The following PEDS1 variants were observed in gnomAD, a reference collection of about 807,000 sequenced individuals.
PEDS1 encodes CarF homolog.
PEDS1 carries 14 observed loss-of-function variants against 35.2 expected under a neutral mutation model. The observed-to-expected ratio is 0.40, with a 90% CI of 0.26 to 0.62. The LOEUF is 0.62. Ranked by LOEUF, PEDS1 falls within the 20% of genes least tolerant of loss-of-function variation. The pLI is 0.44. For missense variants in PEDS1, 260 were observed against 367.8 expected (o/e 0.71, Z 2.40); for synonymous variants, 152 against 152.0 (o/e 1.00, Z 0.00).
intron 2 of PEDS1, among the ~76,000 whole-genome samples, chr20:50,134,258 G>A (rs1214632886): frequency 6.6e-6 from 1 of 152,264 alleles, no homozygotes; most frequent in African/African-American, 2.4e-5. Flanking sequence ...CTGGAGCACA[G>A]TGCAGAGCTG....
intron 2 of PEDS1, among the ~76,000 whole-genome samples, chr20:50,132,992 C>T (rs937640884): frequency 1.3e-5 from 2 of 152,144 alleles, no homozygotes; most frequent in Non-Finnish European, 2.9e-5. Context: ...GGGCTTCAGA[C>T]AAACCCCTTC....
At chr20:50,132,374 T>G (rs1366725457) in intron 2 of PEDS1, among the ~76,000 whole-genome samples, 4 of 152,202 alleles carry the variant, frequency 2.6e-5, no homozygotes, top group Admixed American at 1.3e-4. Context: ...CCACCCCTGC[T>G]GCCTCCCATC....
intron 2 of PEDS1, among the ~76,000 whole-genome samples, chr20:50,142,005 G>A (rs1471779722): frequency 6.6e-6 from 1 of 152,208 alleles, no homozygotes; most frequent in Non-Finnish European, 1.5e-5. Context: ...GGGATGGGGA[G>A]GGGAAGGGTG....
At chr20:50,133,485 C>T (rs1249673480) in intron 2 of PEDS1, among the ~76,000 whole-genome samples, 1 of 152,164 alleles carries the variant, frequency 6.6e-6, no homozygotes, top group Non-Finnish European at 1.5e-5. Flanking sequence ...GGCCCCAGAG[C>T]CTGTGCACCC....
intron 5 of PEDS1, 50 bp from the exon 6 acceptor site, chr20:50,125,229 G>C: frequency 1.2e-6 from 2 of 1,603,406 alleles, no homozygotes; most frequent in Non-Finnish European, 1.7e-6. Flanking sequence ...GTAGTCAAGG[G>C]GACATTGGAA....
chr20:50,142,933 G>A (rs372947456), intron 2 of PEDS1, among the ~76,000 whole-genome samples: 2 of 152,132 alleles, frequency 1.3e-5, no homozygotes, highest in East Asian at 1.9e-4. Flanking sequence ...GGGGGCCAGC[G>A]TGGCAGGTGC....
At chr20:50,134,172 G>A (rs901916853) in intron 2 of PEDS1, among the ~76,000 whole-genome samples, 1 of 152,240 alleles carries the variant, frequency 6.6e-6, no homozygotes, top group Admixed American at 6.5e-5. Context: ...GCTTAATGAG[G>A]TCAACTGAGG....
chr20:50,129,812 CG>C lies in PEDS1; in HGVS notation c.334-123del. 1 of 1,463,032 alleles carries C rather than the reference CG, an allele frequency of 6.8e-7. No individual in the cohort carries two copies. The highest frequency in any genetic ancestry group is 9.1e-7 in the Non-Finnish European group (1 of 1,099,484). 90.6% of individuals were successfully genotyped at this position (1,463,032 alleles called of 1,614,324 possible). On this transcript the variant is annotated intron_variant, in intron 3 of 5. Coordinates refer to ENST00000371652, the MANE Select transcript of PEDS1 (RefSeq NM_199129.4). The surrounding 1 kb of genome is among the most constrained non-coding windows in gnomAD (Gnocchi z 4.2). The stretch of plus-strand genomic sequence containing the variant: ...CCTTTGATCCTAAGTTTCCTCCACC[CG>C]GGATGCTTGAACATTCCCACCTGGC...
Position 50,122,781 on chromosome 20 carries a change from C to T in PEDS1, c.*2277G>A, listed in dbSNP as rs1249565723. ...AGGAGATGCCTTATAATTACTTATT[C>T]AACAAATAAACAAGTTACTAATTGG... On this transcript the variant is annotated 3_prime_UTR_variant, in exon 6 of 6. Transcript: ENST00000371652. 1 of 152,112 alleles carries T rather than the reference C, an allele frequency of 6.6e-6. No homozygotes were observed. The highest frequency in any genetic ancestry group is 1.5e-5 in the Non-Finnish European group (1 of 68,038). The allele number at this position is 152,112 out of a possible 1,614,324, so 9.4% of individuals were successfully genotyped here.
At chr20:50,130,649 T>C (rs2081168459) in intron 3 of PEDS1, among the ~76,000 whole-genome samples, 1 of 152,144 alleles carries the variant, frequency 6.6e-6, no homozygotes, top group East Asian at 1.9e-4. Context: ...ATATCTAAAC[T>C]CTTGGACCAT....
intron 2 of PEDS1, among the ~76,000 whole-genome samples, chr20:50,139,352 C>A (rs1370951655): frequency 6.6e-6 from 1 of 152,174 alleles, no homozygotes; most frequent in Admixed American, 6.5e-5. Flanking sequence ...CAACGATGTG[C>A]GTGTCACAGT....
chr20:50,130,303 T>C (rs1165542675), intron 3 of PEDS1, among the ~76,000 whole-genome samples: 2 of 152,128 alleles, frequency 1.3e-5, no homozygotes, highest in Non-Finnish European at 2.9e-5. Context: ...AGTTCTCTTT[T>C]CTTGGGAGCT....
intron 1 of PEDS1, 87 bp downstream of exon 1, chr20:50,153,430 G>A: frequency 8.1e-7 from 1 of 1,238,536 alleles, no homozygotes; most frequent in East Asian, 3.2e-5. Flanking sequence ...TCCGCATCTG[G>A]GCCCGAGGTT....
rs1346669417 is a variant in PEDS1 at position 50,118,477 on chromosome 20, C to A, written c.*6581G>T. ...GGGATTTGAACCCTACACTCTTAAC[C>A]AATGCTACCCTCCCTTCCAAGAAAA... On this transcript the variant is annotated 3_prime_UTR_variant, in exon 6 of 6. Coordinates refer to ENST00000371652, the MANE Select transcript of PEDS1 (RefSeq NM_199129.4). The A allele has an allele frequency of 6.6e-6, 1 of 152,172 alleles. No homozygotes were observed. The highest frequency in any genetic ancestry group is 2.4e-5 in the African/African-American group (1 of 41,436). The allele number at this position is 152,172 out of a possible 1,614,324, so 9.4% of individuals were successfully genotyped here.
chr20:50,132,428 C>T (rs1335213150), intron 2 of PEDS1, among the ~76,000 whole-genome samples: 1 of 152,158 alleles, frequency 6.6e-6, no homozygotes, highest in Admixed American at 6.6e-5. Flanking sequence ...TATCTCCTTT[C>T]CCTTGCATGC....
chr20:50,143,472 G>C (rs954612684), intron 2 of PEDS1, 30 bp downstream of exon 2: 1 of 1,586,490 alleles, frequency 6.3e-7, no homozygotes, highest in African/African-American at 1.3e-5. Context: ...TAGGGAAGTT[G>C]AGGCAGGCAG....
intron 1 of PEDS1, chr20:50,151,313 G>A (rs2081400455): frequency 7.7e-7 from 1 of 1,303,784 alleles, no homozygotes. Context: ...AGAGTGAAGG[G>A]CACTTGGGGA....
chr20:50,140,514 C>T (rs902981322), intron 2 of PEDS1, among the ~76,000 whole-genome samples: 3 of 152,256 alleles, frequency 2.0e-5, no homozygotes, highest in African/African-American at 7.2e-5. Flanking sequence ...TCCCCAAACA[C>T]ACGAGGCACG....
rs538412530 is a variant in PEDS1, at chr20:50,147,268, T to C, written c.122-3647A>G. On this transcript the variant is annotated intron_variant, in intron 1 of 5. Coordinates refer to ENST00000371652, the MANE Select transcript of PEDS1 (RefSeq NM_199129.4). ...AAATTTGAAAATCACGTAAAATTCCTAGTTTCCTGCTTCCCTCAACAACAC... is the reference window on the plus strand; with the variant it reads ...AAATTTGAAAATCACGTAAAATTCCCAGTTTCCTGCTTCCCTCAACAACAC... Among the ~76,000 whole-genome samples, 15 of 152,348 alleles carry C rather than the reference T, an allele frequency of 9.8e-5. No individual in the cohort carries two copies. In the South Asian group the frequency reaches 3.1e-3, roughly 32 times the overall value.
Sources: allele counts gnomAD v4.1 joint callset (sites outside exome capture counted in the v4.1 genomes callset), GRCh38; gene constraint gnomAD v4.1.1; non-coding constraint Gnocchi (gnomAD v3.1); transcripts MANE v1.5; gene names NCBI Gene and HGNC (gene_info 2026-07-23, HGNC 2026-07-21).